SLC26A4: variants seen among roughly 807,000 people sequenced by gnomAD.
SLC26A4 encodes the protein solute carrier family 26 member 4, also known as pendrin.
Under a neutral mutation model 90.4 loss-of-function variants are expected in SLC26A4, and 93 were observed. That is an observed-to-expected ratio of 1.03 (90% CI 0.87 to 1.22). SLC26A4 has a LOEUF of 1.22. Ranked by LOEUF, SLC26A4 falls within the 50% of genes most tolerant of loss-of-function variation. SLC26A4 has a pLI of 0.00. For missense variants in SLC26A4, 1,127 were observed against 946.2 expected, an observed-to-expected ratio of 1.19 and a Z score of -2.51; for synonymous variants, 393 against 354.6, an observed-to-expected ratio of 1.11 and a Z score of -1.22.
chr7:107,701,618 A>G (rs1263388382), intron 16 of SLC26A4, among the ~76,000 whole-genome samples: 1 of 152,164 alleles, frequency 6.6e-6, no homozygotes, highest in Non-Finnish European at 1.5e-5. Context: ...CATCCAGAAA[A>G]CAAAAGTTTC....
chr7:107,669,596 T>C (rs1485665647), intron 3 of SLC26A4, among the ~76,000 whole-genome samples: 1 of 152,232 alleles, frequency 6.6e-6, no homozygotes, highest in Non-Finnish European at 1.5e-5. Context: ...GTAATTTACA[T>C]ATTAAAACAA....
Position 107,661,793 on chromosome 7 carries a change from C to G in SLC26A4, c.152C>G (p.Ala51Gly). Residue 51 changes from alanine (A) to glycine (G), a missense_variant, in exon 2 of 21, where the codon GCC (alanine) becomes GGC (glycine). Coordinates refer to ENST00000644269, the MANE Select transcript of SLC26A4 (RefSeq NM_000441.2). This position sits in a 1 kb window ranked among gnomAD's most constrained non-coding sequence, Gnocchi z 5.1. ...QERKTLRESL[A>G]KCCSCSRKRA... The stretch of plus-strand genomic sequence containing the variant: ...CGCAAGACGCTGCGGGAGAGCCTGG[C>G]CAAGTGCTGCAGGTAGCGGCCGCGC... 6.5e-7 allele frequency: 1 copy of G among 1,537,924 alleles called. No individual in the cohort carries two copies. Among genetic ancestry groups the G allele is most frequent in the Non-Finnish European group, 8.7e-7 (1 of 1,146,754 alleles).
Position 107,679,841 on chromosome 7 carries a change from A to C in SLC26A4, c.766-3361A>C, listed in dbSNP as rs1010905623. Reference sequence around the variant, plus strand: ...ATATAATATAATCTTATATTATTATATAATCTTATATTATTATATTATATA... The same window carrying C: ...ATATAATATAATCTTATATTATTATCTAATCTTATATTATTATATTATATA... On this transcript the variant is annotated intron_variant, in intron 6 of 20. Transcript: ENST00000644269. 6.5e-4 allele frequency among the ~76,000 whole-genome samples: 80 copies of C among 123,174 alleles called. 1 individual carries two copies. The highest frequency in any genetic ancestry group is 2.8e-4 in the Non-Finnish European group (17 of 61,234). 80.8% of individuals were successfully genotyped at this position (123,174 alleles called of 152,430 possible).
chr7:107,689,189 G>T lies in SLC26A4; in HGVS notation c.1138G>T (p.Asp380Tyr). 6.2e-7 allele frequency: 1 copy of T among 1,613,646 alleles called. No homozygotes were observed. ...VYATKYDYTI[D>Y]GNQEFIAFGI... is the part of the protein sequence containing the mutation. ...TGCCACCAAGTATGATTACACCATCGATGGGAACCAGGTATGGGTGCCCTT... is the reference window on the plus strand; with the variant it reads ...TGCCACCAAGTATGATTACACCATCTATGGGAACCAGGTATGGGTGCCCTT... Residue 380 changes from aspartate to tyrosine, a missense_variant, in exon 9 of 21, where the codon GAT (aspartate) becomes TAT (tyrosine). Asp to Tyr is a radical substitution (Grantham distance 160). Transcript: ENST00000644269.
intron 10 of SLC26A4, among the ~76,000 whole-genome samples, chr7:107,693,882 T>C (rs957363636): frequency 6.6e-6 from 1 of 152,204 alleles, no homozygotes; most frequent in Non-Finnish European, 1.5e-5. Flanking sequence ...GATGAGTAAA[T>C]TTATTTTCTC....
intron 10 of SLC26A4, among the ~76,000 whole-genome samples, chr7:107,691,546 A>ACACAC (rs61056189): frequency 3.1e-5 from 1 of 31,954 alleles, no homozygotes; most frequent in Admixed American, 3.7e-4. Context: ...CACACACACA[A>ACACAC]ACATATATAT....
In SLC26A4 at chr7:107,710,197, AC is replaced by A; in HGVS notation, c.2234del (p.Thr745ArgfsTer14). The A allele has an allele frequency of 6.3e-7, 1 of 1,595,026 alleles. No individual in the cohort carries two copies. The highest frequency in any genetic ancestry group is 8.6e-7 in the Non-Finnish European group (1 of 1,162,756). Reference protein sequence around the residue: ...SQEGQGSILETITLIQDCKDT... With the variant: ...SQEGQGSILEXITLIQDCKDT... ...AGAGGGTCAAGGTTCCATTTTAGAA[AC>A]GGTAAATATTCAACCTTTCTACAGA... On this transcript the variant is annotated frameshift_variant and splice_region_variant, in exon 19 of 21. Transcript: ENST00000644269. LOFTEE classifies it high-confidence loss of function.
At chr7:107,706,139 T>C (rs1375231687) in intron 18 of SLC26A4, among the ~76,000 whole-genome samples, 1 of 152,234 alleles carries the variant, frequency 6.6e-6, no homozygotes, top group Admixed American at 6.5e-5. Context: ...TTTTGAACCA[T>C]ATGTTTTTCT....
intron 13 of SLC26A4, among the ~76,000 whole-genome samples, chr7:107,697,317 G>A (rs1791768155): frequency 2.0e-5 from 3 of 152,206 alleles, no homozygotes; most frequent in Non-Finnish European, 4.4e-5. Flanking sequence ...TGCTAGTTTG[G>A]TATCTAGGCT....
At chr7:107,710,767 T>C (rs759239033) in intron 19 of SLC26A4, among the ~76,000 whole-genome samples, 4 of 152,216 alleles carry the variant, frequency 2.6e-5, no homozygotes, top group Non-Finnish European at 5.9e-5. Flanking sequence ...CCATGGGTAT[T>C]ATTTTGTTAA....
intron 8 of SLC26A4, 103 bp downstream of exon 8, chr7:107,683,640 CT>C: frequency 1.2e-6 from 1 of 848,394 alleles, no homozygotes; most frequent in Non-Finnish European, 1.9e-6. Context: ...ACTGATACTC[CT>C]TCAATAGTCC....
At chr7:107,706,887 A>T (rs1419824586) in intron 18 of SLC26A4, among the ~76,000 whole-genome samples, 2 of 152,184 alleles carry the variant, frequency 1.3e-5, no homozygotes, top group Non-Finnish European at 2.9e-5. Flanking sequence ...ATGCTTAACA[A>T]GGCTGGGTGC....
chr7:107,683,029 T>C (rs1351941034), intron 6 of SLC26A4, among the ~76,000 whole-genome samples, 173 bp from the exon 7 acceptor site: 2 of 152,198 alleles, frequency 1.3e-5, no homozygotes, highest in African/African-American at 4.8e-5. Context: ...GGTCTCTGTA[T>C]CAACCAACAC....
chr7:107,689,990 G>A (rs956788), intron 9 of SLC26A4, 134 bp from the exon 10 acceptor site: 19 of 729,554 alleles, frequency 2.6e-5, no homozygotes, highest in Middle Eastern at 2.3e-4. Flanking sequence ...TACCTATCAC[G>A]GTAAAAATTA....
intron 10 of SLC26A4, chr7:107,692,015 T>C: frequency 7.8e-7 from 1 of 1,289,256 alleles, no homozygotes; most frequent in Non-Finnish European, 1.0e-6. Flanking sequence ...AATCTCAAAC[T>C]GCTGATGTCC....
Position 107,717,786 on chromosome 7 carries a change from C to T in SLC26A4, c.*2340C>T, listed in dbSNP as rs1229498639. ...ATGTAAAGTTGTCTTTTAAACTACT[C>T]GGATGTGTCCTTTCTGAACAAAACT... On this transcript the variant is annotated 3_prime_UTR_variant, in exon 21 of 21. Coordinates refer to ENST00000644269, the MANE Select transcript of SLC26A4 (RefSeq NM_000441.2). 5.9e-5 allele frequency: 9 copies of T among 152,474 alleles called. No individual in the cohort carries two copies. Among genetic ancestry groups the T allele is most frequent in the Non-Finnish European group, 1.0e-4 (7 of 68,010 alleles). The allele number at this position is 152,474 out of a possible 1,614,324, so 9.4% of individuals were successfully genotyped here. A position where few individuals can be genotyped will look rare whatever the true frequency, so the allele number is the denominator to read the frequency against.
At chr7:107,667,818 C>A (rs1790759491) in intron 3 of SLC26A4, among the ~76,000 whole-genome samples, 1 of 152,040 alleles carries the variant, frequency 6.6e-6, no homozygotes. Flanking sequence ...CTTCCATTTT[C>A]AAAGGAAGAT....
At chr7:107,699,036 T>C (rs1791817058) in intron 14 of SLC26A4, among the ~76,000 whole-genome samples, 1 of 152,188 alleles carries the variant, frequency 6.6e-6, no homozygotes, top group South Asian at 2.1e-4. Flanking sequence ...TACCTTAACA[T>C]TAAAAAAAGT....
chr7:107,686,172 C>T (rs1341761506), intron 8 of SLC26A4, among the ~76,000 whole-genome samples: 1 of 151,868 alleles, frequency 6.6e-6, no homozygotes, highest in African/African-American at 2.4e-5. Context: ...ATTTTAATCC[C>T]TATTCACTGT....
Sources: allele counts gnomAD v4.1 joint callset (sites outside exome capture counted in the v4.1 genomes callset), GRCh38; gene constraint gnomAD v4.1.1; non-coding constraint Gnocchi (gnomAD v3.1); transcripts MANE v1.5; gene names NCBI Gene and HGNC (gene_info 2026-07-23, HGNC 2026-07-21).